The following BRWD3 variants were observed in gnomAD, a reference collection of about 807,000 sequenced individuals.
The protein encoded by BRWD3 is bromodomain and WD repeat domain containing 3.
Under a neutral mutation model 149.7 loss-of-function variants are expected in BRWD3, and 10 were observed. The observed-to-expected ratio is 0.07, with a 90% CI of 0.04 to 0.11. BRWD3 has a LOEUF of 0.11. BRWD3 is among the 10% of genes least tolerant of loss of function. BRWD3 has a pLI of 1.00. For missense variants in BRWD3, 940 were observed against 1,373.2 expected (o/e 0.68, Z 4.99); for synonymous variants, 504 against 456.7 (o/e 1.10, Z -1.32).
chrX:80,684,232 A>G, intron 36 of BRWD3, 70 bp from the exon 37 acceptor site: 12 of 958,363 alleles, frequency 1.3e-5, no homozygotes, highest in Non-Finnish European at 1.8e-5. Context: ...TAAAATTGGT[A>G]TCACCTACTA....
rs946791268 is a variant in BRWD3, at chrX:80,719,617, G to T, written c.1916C>A (p.Thr639Asn). The change falls in exon 18 of 41, where the codon ACC (threonine) becomes AAC (asparagine). Residue 639 changes from threonine to asparagine, a missense_variant. This residue lies in a region of BRWD3 where 209 missense variants were observed against 396.8 expected (regional missense o/e 0.53). Transcript: ENST00000373275. ...AAGAATGCTCTCATCTTGGTCATTGGTTTGCTGCCCAATTACCTGTTCTAC... is the reference window on the plus strand; with the variant it reads ...AAGAATGCTCTCATCTTGGTCATTGTTTTGCTGCCCAATTACCTGTTCTAC... The part of the protein sequence containing the change: ...EVVEQVIGQQ[T>N]NDQDESILDG... 8.3e-7 allele frequency: 1 copy of T among 1,210,396 alleles called. No homozygotes were observed. Among genetic ancestry groups the T allele is most frequent in the Non-Finnish European group, 1.1e-6 (1 of 894,898 alleles).
chrX:80,793,939 G>A (rs976425308), intron 4 of BRWD3, among the ~76,000 whole-genome samples, 167 bp from the exon 5 acceptor site: 2 of 112,510 alleles, frequency 1.8e-5, no homozygotes, highest in African/African-American at 6.5e-5. Flanking sequence ...AAAACTTTGG[G>A]AGGCTGAGGC....
chrX:80,687,030 A>C (rs972897123), intron 34 of BRWD3, 27 bp from the exon 35 acceptor site: 1 of 1,196,578 alleles, frequency 8.4e-7, no homozygotes, highest in Non-Finnish European at 1.1e-6. Flanking sequence ...AGTTATATCT[A>C]AAAGATCTTT....
At chrX:80,680,301 T>C (rs1301530835) in intron 40 of BRWD3, among the ~76,000 whole-genome samples, 2 of 112,313 alleles carry the variant, frequency 1.8e-5, no homozygotes, top group Non-Finnish European at 3.8e-5. Flanking sequence ...TTTATGATAA[T>C]TGATGTCCCT....
At chrX:80,699,842 T>C (rs764382676) in intron 25 of BRWD3, 115 bp downstream of exon 25, 3 of 533,253 alleles carry the variant, frequency 5.6e-6, no homozygotes, top group Middle Eastern at 3.4e-4. Context: ...TCATCTTATC[T>C]TGGATACACA....
At position 80,767,348 on chromosome X, in the gene BRWD3, T is replaced by C. The variant is rs768464825; in HGVS notation, c.431-21619A>G. The stretch of plus-strand genomic sequence containing the variant: ...CGGTGCCCCTCTGGGACAAAGCTTC[T>C]AGAAGAAGTATCAGGCAGCAATATT... On this transcript the variant is annotated intron_variant, in intron 6 of 40. Coordinates refer to ENST00000373275, the MANE Select transcript of BRWD3 (RefSeq NM_153252.5). 4.5e-5 allele frequency among the ~76,000 whole-genome samples: 5 copies of C among 111,577 alleles called. No homozygotes were observed. In the East Asian group the frequency reaches 1.1e-3, roughly 25 times the overall value.
intron 6 of BRWD3, among the ~76,000 whole-genome samples, chrX:80,759,580 G>A (rs1312707025): frequency 9.0e-6 from 1 of 111,712 alleles, no homozygotes; most frequent in African/African-American, 3.2e-5. Flanking sequence ...CAGCTCTTAC[G>A]TTTTAGCTAT....
Position 80,676,384 on chromosome X carries a change from T to G in BRWD3, c.*225A>C, listed in dbSNP as rs965007405. The stretch of plus-strand genomic sequence containing the variant: ...GTGTGTGTATGTGTTTGTGTGTGTG[T>G]GGGCAGAATTTCTTTTAATTTAAGG... On this transcript the variant is annotated 3_prime_UTR_variant, in exon 41 of 41. Transcript: ENST00000373275. 7 of 428,952 alleles carry G rather than the reference T, an allele frequency of 1.6e-5. No individual in the cohort carries two copies. The Admixed American group carries it at 1.7e-4, about 10-fold the overall frequency. The allele number at this position is 428,952 out of a possible 1,213,427, so 35.4% of individuals were successfully genotyped here.
At chrX:80,784,837 C>T (rs1257408471) in intron 6 of BRWD3, among the ~76,000 whole-genome samples, 3 of 111,690 alleles carry the variant, frequency 2.7e-5, no homozygotes, top group Non-Finnish European at 5.6e-5. Flanking sequence ...AATAGTGCTG[C>T]AATAAACATA....
intron 21 of BRWD3, among the ~76,000 whole-genome samples, chrX:80,708,128 G>A (rs1005293359): frequency 1.8e-5 from 2 of 112,191 alleles, no homozygotes; most frequent in East Asian, 5.6e-4. Flanking sequence ...AGGTGCAGTG[G>A]CTCAACCCTG....
At chrX:80,770,765 G>C (rs781404615) in intron 6 of BRWD3, among the ~76,000 whole-genome samples, 1 of 111,742 alleles carries the variant, frequency 8.9e-6, no homozygotes, top group African/African-American at 3.3e-5. Context: ...AATCAGGCAA[G>C]AGAAAGAAAT....
At chrX:80,793,159 T>TAAA (rs2074200403) in intron 5 of BRWD3, among the ~76,000 whole-genome samples, 2 of 1,947 alleles carry the variant, frequency 1.0e-3, no homozygotes, top group Non-Finnish European at 0.018. Flanking sequence ...AGACTCTGTC[T>TAAA]CAAAAAAAAA....
chrX:80,738,731 A>C (rs908283316), intron 8 of BRWD3, among the ~76,000 whole-genome samples: 2 of 112,026 alleles, frequency 1.8e-5, no homozygotes, highest in African/African-American at 6.5e-5. Flanking sequence ...GAAACTGAGA[A>C]AACAAACTAT....
At chrX:80,690,418 G>GA (rs779169026) in intron 31 of BRWD3, among the ~76,000 whole-genome samples, 12 of 105,145 alleles carry the variant, frequency 1.1e-4, no homozygotes, top group African/African-American at 1.4e-4. Flanking sequence ...AGAAGAGCAA[G>GA]AAAAAAAAAC....
At chrX:80,728,640 T>G (rs1327589592) in intron 14 of BRWD3, 112 bp downstream of exon 14, 2 of 637,435 alleles carry the variant, frequency 3.1e-6, no homozygotes, top group African/African-American at 4.5e-5. Flanking sequence ...AAATCATTTT[T>G]CCAAGGACTA....
chrX:80,713,129 G>A (rs1410489835), intron 20 of BRWD3, among the ~76,000 whole-genome samples: 6 of 106,042 alleles, frequency 5.7e-5, no homozygotes, highest in East Asian at 3.1e-4. Context: ...ACCTCTGCCC[G>A]GCCGCCCCTA....
chrX:80,698,172 G>C (rs1416439219), intron 25 of BRWD3, among the ~76,000 whole-genome samples: 1 of 111,500 alleles, frequency 9.0e-6, no homozygotes. Context: ...TTTTTTGCTT[G>C]TTGATTGAAG....
intron 6 of BRWD3, among the ~76,000 whole-genome samples, chrX:80,762,803 T>G (rs1386687413): frequency 9.0e-6 from 1 of 111,623 alleles, no homozygotes; most frequent in Non-Finnish European, 1.9e-5. Flanking sequence ...ATTCCCTATC[T>G]AAGAATTAAA....
At chrX:80,757,927 G>A (rs190522257) in intron 6 of BRWD3, among the ~76,000 whole-genome samples, 18 of 112,339 alleles carry the variant, frequency 1.6e-4, no homozygotes, top group African/African-American at 5.5e-4. Context: ...TAGGCTGGGC[G>A]CGGTGGCTCA....
Sources: allele counts gnomAD v4.1 joint callset (sites outside exome capture counted in the v4.1 genomes callset), GRCh38; gene constraint gnomAD v4.1.1; regional missense constraint gnomAD v4.1.1; transcripts MANE v1.5; gene names NCBI Gene and HGNC (gene_info 2026-07-23, HGNC 2026-07-21).